FAM185A: variants seen among roughly 807,000 people sequenced by gnomAD.
FAM185A encodes the protein protein FAM185A.
FAM185A carries 21 observed loss-of-function variants against 45.7 expected under a neutral mutation model. That is an observed-to-expected ratio of 0.46 (90% CI 0.33 to 0.66). FAM185A has a LOEUF of 0.66. FAM185A is among the 30% of genes least tolerant of loss of function. The probability of loss-of-function intolerance (pLI) is 0.03; values close to 1 mark genes in which losing one functional copy is unlikely to be tolerated. For missense variants in FAM185A, 305 were observed against 485.4 expected (o/e 0.63, Z 3.49); for synonymous variants, 117 against 194.0 (o/e 0.60, Z 3.30).
the FAM185A span, among the ~76,000 whole-genome samples, chr7:102,831,556 A>G: frequency 6.6e-6 from 1 of 152,148 alleles, no homozygotes; most frequent in South Asian, 2.1e-4. Context: ...AGATTTATGG[A>G]GTAGGGGCTG....
At chr7:102,781,854 T>G (rs916364436) in intron 6 of FAM185A, among the ~76,000 whole-genome samples, 8 of 151,880 alleles carry the variant, frequency 5.3e-5, no homozygotes, top group Admixed American at 6.6e-5. Flanking sequence ...ATCAAACTAC[T>G]CTGAGCTAAA....
chr7:102,840,267 T>C, the FAM185A span, among the ~76,000 whole-genome samples: 3 of 152,246 alleles, frequency 2.0e-5, no homozygotes, highest in African/African-American at 7.2e-5. Context: ...CTTCAGGTTT[T>C]AGATTTTCTC....
intron 2 of FAM185A, among the ~76,000 whole-genome samples, chr7:102,754,375 C>T (rs1458490135): frequency 1.3e-5 from 2 of 152,120 alleles, no homozygotes; most frequent in Non-Finnish European, 2.9e-5. Context: ...TAATTTTGGC[C>T]AGGCATGTTG....
chr7:102,819,974 T>C, the FAM185A span, among the ~76,000 whole-genome samples: 1 of 152,120 alleles, frequency 6.6e-6, no homozygotes, highest in East Asian at 1.9e-4. Context: ...AATAAAAAAA[T>C]TTGAGGCCAG....
downstream of FAM185A, chr7:102,813,679 T>G: frequency 2.6e-6 from 2 of 755,544 alleles, no homozygotes; most frequent in South Asian, 3.7e-5. Flanking sequence ...AGTGAGGATA[T>G]GGGTAAGTGT....
intron 7 of FAM185A, among the ~76,000 whole-genome samples, chr7:102,802,510 G>A (rs1029293272): frequency 1.3e-5 from 2 of 152,120 alleles, no homozygotes; most frequent in Non-Finnish European, 2.9e-5. Context: ...TAGTGACACA[G>A]CCTATCAAAA....
At chr7:102,806,923 T>C (rs1231797458) in intron 7 of FAM185A, among the ~76,000 whole-genome samples, 1 of 152,018 alleles carries the variant, frequency 6.6e-6, no homozygotes, top group South Asian at 2.1e-4. Context: ...AAGAAAGAGT[T>C]CCGGAGGGGA....
the FAM185A span, among the ~76,000 whole-genome samples, chr7:102,817,931 T>C: frequency 6.6e-6 from 1 of 152,246 alleles, no homozygotes; most frequent in African/African-American, 2.4e-5. Flanking sequence ...TGGATCAGTA[T>C]AGAACAGTGA....
chr7:102,758,090 T>C (rs1278251872), intron 3 of FAM185A, 144 bp downstream of exon 3: 4 of 611,812 alleles, frequency 6.5e-6, no homozygotes, highest in African/African-American at 5.6e-5. Context: ...AAATTTGAAA[T>C]TGAAGTGATG....
chr7:102,775,296 T>C lies in FAM185A; in HGVS notation c.836-1957T>C, dbSNP rs190153609. Among the ~76,000 whole-genome samples, 615 of 152,314 alleles carry C rather than the reference T, an allele frequency of 4.0e-3. 4 individuals carry two copies. The highest frequency in any genetic ancestry group is 0.014 in the African/African-American group (587 of 41,564). On this transcript the variant is annotated intron_variant, in intron 5 of 7. Transcript: ENST00000413034. ...TCTACAGGACTTTCTCCCAGATCCATAGAATTTCTCCATTATGTAAACTCC... is the reference window on the plus strand; with the variant it reads ...TCTACAGGACTTTCTCCCAGATCCACAGAATTTCTCCATTATGTAAACTCC...
Position 102,761,398 on chromosome 7 carries a change from A to G in FAM185A, c.780A>G (p.Leu260=), listed in dbSNP as rs1426708605. 4 of 1,526,342 alleles carry G rather than the reference A, an allele frequency of 2.6e-6. No homozygotes were observed. In the African/African-American group the frequency reaches 4.2e-5, roughly 16 times the overall value. The allele number at this position is 1,526,342 out of a possible 1,614,324, so 94.5% of individuals were successfully genotyped here. The change falls in exon 4 of 8, where the codon TTA becomes TTG. Residue 260 remains leucine (L), a synonymous_variant. Coordinates refer to ENST00000413034, the MANE Select transcript of FAM185A (RefSeq NM_001145268.2). ...CTTCTGCTGCTGGGGATATTACATT[A>G]GGAAGTGTTCATGGTAAGCTGACAA... ...FLSSAAGDIT[L]GSVHGNITLQ... is the part of the protein sequence containing the mutation.
chr7:102,781,833 G>C (rs1231673288), intron 6 of FAM185A, among the ~76,000 whole-genome samples: 3 of 152,120 alleles, frequency 2.0e-5, no homozygotes, highest in Admixed American at 1.3e-4. Context: ...GTTGAGAGAA[G>C]GCTTCAGACA....
intron 7 of FAM185A, among the ~76,000 whole-genome samples, 170 bp downstream of exon 7, chr7:102,787,639 A>G (rs1250726593): frequency 6.6e-6 from 1 of 152,190 alleles, no homozygotes; most frequent in Admixed American, 6.5e-5. Context: ...TGATGCAGAC[A>G]TTTTGTTTAA....
rs532743571 is a variant in FAM185A, at chr7:102,808,037, G to A, written c.1067-253G>A. On this transcript the variant is annotated intron_variant, in intron 7 of 7. Transcript: ENST00000413034. ...GATCGTGCCACTGTACTCCAGCCTG[G>A]GCAACAGAGTGACACTATGTCTCAA... Among the ~76,000 whole-genome samples the A allele has an allele frequency of 1.6e-4, 24 of 151,882 alleles. 1 individual carries two copies. In the South Asian group the frequency reaches 3.3e-3, roughly 21 times the overall value.
At chr7:102,784,715 C>T (rs1795664155) in intron 6 of FAM185A, among the ~76,000 whole-genome samples, 2 of 152,184 alleles carry the variant, frequency 1.3e-5, no homozygotes, top group South Asian at 4.1e-4. Context: ...GACAAACCCA[C>T]AGCCAATATC....
chr7:102,801,681 T>A (rs978467732), intron 7 of FAM185A, among the ~76,000 whole-genome samples: 3 of 152,114 alleles, frequency 2.0e-5, no homozygotes, highest in African/African-American at 7.2e-5. Context: ...TCCCAGCACT[T>A]TGGGAGGCTG....
At chr7:102,802,290 C>A (rs1796845017) in intron 7 of FAM185A, among the ~76,000 whole-genome samples, 1 of 152,174 alleles carries the variant, frequency 6.6e-6, no homozygotes, top group Non-Finnish European at 1.5e-5. Flanking sequence ...ATATGATAGG[C>A]CACAAAATGA....
chr7:102,783,877 A>G (rs1322064159), intron 6 of FAM185A, among the ~76,000 whole-genome samples: 1 of 152,250 alleles, frequency 6.6e-6, no homozygotes, highest in Non-Finnish European at 1.5e-5. Context: ...ACCCTTCAAA[A>G]AATCAATGAA....
rs144963263 is a variant in FAM185A at position 102,788,657 on chromosome 7, G to C, written c.1066+1188G>C. The stretch of plus-strand genomic sequence containing the variant: ...TTGATGAAAATCTAAGTACAGTCAT[G>C]CATCACTTAATGACAGAGATACATT... On this transcript the variant is annotated intron_variant, in intron 7 of 7. Transcript: ENST00000413034. 3.3e-3 allele frequency among the ~76,000 whole-genome samples: 505 copies of C among 152,292 alleles called. 5 individuals are homozygous for C. The highest frequency in any genetic ancestry group is 0.012 in the African/African-American group (486 of 41,552).
Sources: allele counts gnomAD v4.1 joint callset (sites outside exome capture counted in the v4.1 genomes callset), GRCh38; gene constraint gnomAD v4.1.1; transcripts MANE v1.5; gene names NCBI Gene and HGNC (gene_info 2026-07-23, HGNC 2026-07-21).